The following CUL3 variants were observed in gnomAD, a reference collection of about 807,000 sequenced individuals.
CUL3 encodes the protein cullin 3, also known as cullin-3.
A neutral mutation model predicts 89.1 loss-of-function variants in CUL3; 19 were observed. The observed-to-expected ratio is 0.21, with a 90% CI of 0.15 to 0.31. The LOEUF is 0.31. Ranked by LOEUF, CUL3 falls within the 10% of genes least tolerant of loss-of-function variation. The probability of loss-of-function intolerance (pLI) is 1.00; values close to 1 mark genes in which losing one functional copy is unlikely to be tolerated. For synonymous variants in CUL3, 351 were observed against 308.4 expected, an observed-to-expected ratio of 1.14 and a Z score of -1.45; for missense variants, 469 against 942.3, an observed-to-expected ratio of 0.50 and a Z score of 6.58.
intron 1 of CUL3, among the ~76,000 whole-genome samples, chr2:224,559,137 T>G (rs1422754045): frequency 6.6e-6 from 1 of 152,024 alleles, no homozygotes; most frequent in African/African-American, 2.4e-5. Flanking sequence ...GTAGATAATT[T>G]CCATTCATAC....
At chr2:224,489,434 A>G (rs1168451757) in intron 13 of CUL3, among the ~76,000 whole-genome samples, 1 of 152,218 alleles carries the variant, frequency 6.6e-6, no homozygotes, top group Non-Finnish European at 1.5e-5. Context: ...CAATGTGCAG[A>G]AATCACAAGC....
At chr2:224,581,457 T>A (rs1480394744) in intron 1 of CUL3, among the ~76,000 whole-genome samples, 2 of 151,662 alleles carry the variant, frequency 1.3e-5, no homozygotes, top group Non-Finnish European at 2.9e-5. Context: ...TCAGAATGTA[T>A]ACATATATCA....
chr2:224,539,007 T>A (rs1693992341), intron 2 of CUL3, among the ~76,000 whole-genome samples: 1 of 139,728 alleles, frequency 7.2e-6, no homozygotes, highest in South Asian at 2.3e-4. Flanking sequence ...TCTCTAAAAA[T>A]AAATAAGACT....
At chr2:224,525,196 C>A (rs1693427037) in intron 3 of CUL3, among the ~76,000 whole-genome samples, 1 of 152,146 alleles carries the variant, frequency 6.6e-6, no homozygotes. Flanking sequence ...CTCTACTAAA[C>A]AGTCAATTAA....
Position 224,478,142 on chromosome 2 carries a change from ATT to A in CUL3, c.2175+56_2175+57del, listed in dbSNP as rs1426944783. The A allele has an allele frequency of 2.7e-6, 4 of 1,488,680 alleles. No individual in the cohort carries two copies. In the African/African-American group the frequency reaches 5.6e-5, roughly 21 times the overall value. The allele number at this position is 1,488,680 out of a possible 1,614,324, so 92.2% of individuals were successfully genotyped here. A position where few individuals can be genotyped will look rare whatever the true frequency, so the allele number is the denominator to read the frequency against. On this transcript the variant is annotated intron_variant, in intron 15 of 15. Transcript: ENST00000264414. Reference sequence around the variant, plus strand: ...TTTTTAAAATTAGTTGAATACAATAATTTTGTTAATAATGTTACTGTTTTTTC... The same window carrying A: ...TTTTTAAAATTAGTTGAATACAATAATTGTTAATAATGTTACTGTTTTTTC...
intron 2 of CUL3, among the ~76,000 whole-genome samples, chr2:224,554,767 T>C (rs1427806491): frequency 6.6e-6 from 1 of 152,220 alleles, no homozygotes; most frequent in Non-Finnish European, 1.5e-5. Context: ...CTCTGACGAA[T>C]GAGAACATGC....
rs929516735 is a variant in CUL3 at position 224,474,444 on chromosome 2, T to C, written c.2176-68A>G. 23 of 1,336,334 alleles carry C rather than the reference T, an allele frequency of 1.7e-5. No homozygotes were observed. The Admixed American group carries it at 4.4e-4, about 26-fold the overall frequency. The allele number at this position is 1,336,334 out of a possible 1,614,324, so 82.8% of individuals were successfully genotyped here. On this transcript the variant is annotated intron_variant, in intron 15 of 15. Coordinates refer to ENST00000264414, the MANE Select transcript of CUL3 (RefSeq NM_003590.5). ...AATTCGTATCTTTGAACAGAACTGA[T>C]ATGTCATTTTAACACTCAGAGACTG...
chr2:224,543,790 C>T (rs1184764783), intron 2 of CUL3, among the ~76,000 whole-genome samples: 3 of 152,030 alleles, frequency 2.0e-5, no homozygotes, highest in African/African-American at 7.3e-5. Context: ...TCAAGACCAG[C>T]CTGGACAACA....
chr2:224,574,352 G>C lies in CUL3; in HGVS notation c.66+10592C>G, dbSNP rs180959854. 1.3e-4 allele frequency among the ~76,000 whole-genome samples: 20 copies of C among 152,268 alleles called. No homozygotes were observed. The South Asian group carries it at 3.7e-3, about 28-fold the overall frequency. ...TTAAAAAAAAGAATGCTGTCTAGTA[G>C]CAACAGATTTGGATTAGGAGTTAAG... is the stretch of plus-strand genomic sequence containing the variant. On this transcript the variant is annotated intron_variant, in intron 1 of 15. Transcript: ENST00000264414.
chr2:224,512,189 G>A (rs1204447435), intron 5 of CUL3, among the ~76,000 whole-genome samples: 3 of 151,444 alleles, frequency 2.0e-5, no homozygotes, highest in East Asian at 1.9e-4. Context: ...TCCACCTCCC[G>A]GGTCCACACC....
At chr2:224,563,307 T>G (rs1348386349) in intron 1 of CUL3, 1 of 470,728 alleles carries the variant, frequency 2.1e-6, no homozygotes, top group African/African-American at 2.0e-5. Flanking sequence ...CCTTGGCTCT[T>G]GTCACTCTCT....
intron 13 of CUL3, among the ~76,000 whole-genome samples, chr2:224,491,655 G>A (rs1412908364): frequency 6.6e-6 from 1 of 152,088 alleles, no homozygotes; most frequent in African/African-American, 2.4e-5. Flanking sequence ...TAATAGAAAG[G>A]TGTCTAGTAT....
intron 1 of CUL3, among the ~76,000 whole-genome samples, chr2:224,576,594 C>G (rs1468177498): frequency 1.3e-5 from 2 of 149,630 alleles, no homozygotes; most frequent in Non-Finnish European, 3.0e-5. Flanking sequence ...ACTAACCACT[C>G]ACACTATGCT....
At chr2:224,529,461 CAAAA>C (rs34911671) in intron 3 of CUL3, among the ~76,000 whole-genome samples, 10 of 127,398 alleles carry the variant, frequency 7.8e-5, no homozygotes, top group Admixed American at 2.4e-4. Flanking sequence ...ACTAAAAATA[CAAAA>C]AAAAAAAAAA....
intron 1 of CUL3, among the ~76,000 whole-genome samples, chr2:224,561,137 C>CCT (rs1363858206): frequency 6.6e-6 from 1 of 152,142 alleles, no homozygotes. Flanking sequence ...TCCTGGTCTC[C>CCT]CTCTCTACAA....
intron 3 of CUL3, among the ~76,000 whole-genome samples, chr2:224,523,558 C>A (rs1025536175): frequency 6.6e-6 from 1 of 152,212 alleles, no homozygotes; most frequent in Non-Finnish European, 1.5e-5. Flanking sequence ...ACTAATTCCA[C>A]TTCTGGGTAT....
At chr2:224,573,714 A>C (rs1421295318) in intron 1 of CUL3, among the ~76,000 whole-genome samples, 1 of 152,234 alleles carries the variant, frequency 6.6e-6, no homozygotes, top group Non-Finnish European at 1.5e-5. Context: ...CTTTTCAGTC[A>C]GACATACCTA....
At chr2:224,477,122 CA>C (rs139657496) in intron 15 of CUL3, among the ~76,000 whole-genome samples, 30,777 of 152,132 alleles carry the variant, frequency 0.2, 3,396 homozygotes, top group African/African-American at 0.24. Flanking sequence ...TGTCATAGGA[CA>C]CTGTCATTTT....
At chr2:224,564,982 A>G (rs532349065) in intron 1 of CUL3, among the ~76,000 whole-genome samples, 15 of 152,306 alleles carry the variant, frequency 9.8e-5, no homozygotes, top group Non-Finnish European at 2.1e-4. Flanking sequence ...ATCAAGTACT[A>G]CTGACATTAA....
Sources: allele counts gnomAD v4.1 joint callset (sites outside exome capture counted in the v4.1 genomes callset), GRCh38; gene constraint gnomAD v4.1.1; transcripts MANE v1.5; gene names NCBI Gene and HGNC (gene_info 2026-07-23, HGNC 2026-07-21).